TTC28: variants seen among roughly 807,000 people sequenced by gnomAD.
The protein encoded by TTC28 is tetratricopeptide repeat protein 28.
In TTC28, 61 loss-of-function variants were observed where a neutral mutation model predicts 198.0. The ratio of observed to expected loss-of-function variants is 0.31; its 90% CI spans 0.25 to 0.38. TTC28 has a LOEUF of 0.38. Ranked by LOEUF, TTC28 falls within the 10% of genes least tolerant of loss-of-function variation. TTC28 has a pLI of 1.00. For missense variants in TTC28, 2,678 were observed against 3,164.0 expected, an observed-to-expected ratio of 0.85 and a Z score of 3.69; for synonymous variants, 1,171 against 1,297.8, an observed-to-expected ratio of 0.90 and a Z score of 2.10.
chr22:28,346,268 T>A (rs1026941839), intron 2 of TTC28, among the ~76,000 whole-genome samples: 1 of 152,248 alleles, frequency 6.6e-6, no homozygotes, highest in Admixed American at 6.5e-5. Flanking sequence ...TCATTCTTTA[T>A]ACCAGTTATC....
intron 6 of TTC28, among the ~76,000 whole-genome samples, chr22:28,141,602 T>G (rs188514362): frequency 6.6e-6 from 1 of 152,292 alleles, no homozygotes; most frequent in East Asian, 1.9e-4. Context: ...CACTCATTAA[T>G]ATTTCTACTA....
intron 2 of TTC28, among the ~76,000 whole-genome samples, chr22:28,316,486 G>C (rs1426181916): frequency 6.6e-6 from 1 of 151,854 alleles, no homozygotes; most frequent in Non-Finnish European, 1.5e-5. Flanking sequence ...AAAATATCTT[G>C]TTTTTCATTG....
intron 2 of TTC28, among the ~76,000 whole-genome samples, chr22:28,579,578 T>TAC (rs1181365199): frequency 6.9e-6 from 1 of 145,478 alleles, no homozygotes; most frequent in East Asian, 2.0e-4. Flanking sequence ...AATGCATGTG[T>TAC]GTGTATATAT....
intron 6 of TTC28, among the ~76,000 whole-genome samples, chr22:28,132,731 C>A (rs1047007462): frequency 6.6e-6 from 1 of 152,142 alleles, no homozygotes; most frequent in Non-Finnish European, 1.5e-5. Flanking sequence ...TCAGCAAATA[C>A]GACTGTACCA....
intron 2 of TTC28, among the ~76,000 whole-genome samples, chr22:28,457,074 T>C (rs957857709): frequency 1.3e-5 from 2 of 152,242 alleles, no homozygotes; most frequent in Non-Finnish European, 2.9e-5. Flanking sequence ...ATAATTATCA[T>C]TGTCTGTAGC....
chr22:27,985,455 C>G, intron 21 of TTC28, 99 bp from the exon 22 acceptor site: 1 of 924,278 alleles, frequency 1.1e-6, no homozygotes, highest in Non-Finnish European at 1.6e-6. Flanking sequence ...CATGGAATGC[C>G]TGCAAGGCCC....
At chr22:28,017,629 C>G (rs548958795) in intron 13 of TTC28, among the ~76,000 whole-genome samples, 1 of 152,028 alleles carries the variant, frequency 6.6e-6, no homozygotes, top group Admixed American at 6.5e-5. Flanking sequence ...GGATGCAGGC[C>G]GAAGAAGAAA....
chr22:28,101,276 T>G lies in TTC28; in HGVS notation c.3312A>C (p.Leu1104Phe), dbSNP rs988303029. 7.7e-6 allele frequency: 12 copies of G among 1,551,452 alleles called. No homozygotes were observed. The highest frequency in any genetic ancestry group is 1.0e-5 in the Non-Finnish European group (12 of 1,146,678). The change falls in exon 9 of 23, where the codon TTA (leucine) becomes TTC (phenylalanine). Residue 1104 changes from leucine to phenylalanine, a missense_variant. Transcript: ENST00000397906. ...SQAVMYLQEGLRLAEQLGRRE... is the reference protein window; with the variant it reads ...SQAVMYLQEGFRLAEQLGRRE... ...TTCGGCCCAGTTGCTCAGCTAACCTTAAACCTGAAACCAGATAGAGAAATT... is the reference window on the plus strand; with the variant it reads ...TTCGGCCCAGTTGCTCAGCTAACCTGAAACCTGAAACCAGATAGAGAAATT...
intron 12 of TTC28, among the ~76,000 whole-genome samples, chr22:28,037,768 C>A (rs921100576): frequency 1.3e-5 from 2 of 152,080 alleles, no homozygotes; most frequent in Admixed American, 6.6e-5. Flanking sequence ...TCTAGAAAAC[C>A]CCATCGTCTC....
chr22:28,423,344 T>C (rs1339333851), intron 2 of TTC28, among the ~76,000 whole-genome samples: 1 of 151,778 alleles, frequency 6.6e-6, no homozygotes, highest in Non-Finnish European at 1.5e-5. Context: ...GAGCCAAGAT[T>C]GCACCACTGC....
At chr22:28,029,303 G>C (rs1246811743) in intron 13 of TTC28, among the ~76,000 whole-genome samples, 1 of 152,202 alleles carries the variant, frequency 6.6e-6, no homozygotes, top group Non-Finnish European at 1.5e-5. Flanking sequence ...CACCCTGACA[G>C]CACAATAATG....
intron 1 of TTC28, among the ~76,000 whole-genome samples, chr22:28,667,280 G>A (rs1472509889): frequency 3.6e-4 from 13 of 36,368 alleles, no homozygotes; most frequent in Non-Finnish European, 5.8e-4. Context: ...ATTCAACATA[G>A]TGTTGGAAGT....
intron 5 of TTC28, among the ~76,000 whole-genome samples, chr22:28,165,983 G>C (rs796483332): frequency 8.0e-4 from 122 of 152,204 alleles, no homozygotes; most frequent in Admixed American, 1.5e-3. Context: ...GACGGAGGAA[G>C]ATCTACCAAG....
At chr22:28,658,642 A>T (rs865962507) in intron 1 of TTC28, among the ~76,000 whole-genome samples, 1 of 152,196 alleles carries the variant, frequency 6.6e-6, no homozygotes, top group South Asian at 2.1e-4. Flanking sequence ...AATGTATTTA[A>T]TTCCACTTAA....
intron 14 of TTC28, among the ~76,000 whole-genome samples, chr22:28,013,812 T>C (rs906824109): frequency 1.3e-5 from 2 of 152,000 alleles, no homozygotes; most frequent in Non-Finnish European, 2.9e-5. Flanking sequence ...AGGCATCTGC[T>C]AGGTGGGAAA....
chr22:28,119,346 T>A (rs1438935280), intron 6 of TTC28, among the ~76,000 whole-genome samples: 2 of 152,184 alleles, frequency 1.3e-5, no homozygotes, highest in East Asian at 3.8e-4. Flanking sequence ...AATAAAAAAC[T>A]GCCACTCCCT....
At chr22:28,031,600 C>T (rs567791752) in intron 12 of TTC28, among the ~76,000 whole-genome samples, 1 of 152,058 alleles carries the variant, frequency 6.6e-6, no homozygotes, top group Non-Finnish European at 1.5e-5. Flanking sequence ...GCCAAGCTGG[C>T]GACACCTGTG....
At chr22:28,379,755 A>G (rs1351174722) in intron 2 of TTC28, among the ~76,000 whole-genome samples, 1 of 152,200 alleles carries the variant, frequency 6.6e-6, no homozygotes, top group Non-Finnish European at 1.5e-5. Flanking sequence ...AATGGTTACA[A>G]TGGTAAATTT....
At chr22:28,431,012 C>T (rs536802098) in intron 2 of TTC28, among the ~76,000 whole-genome samples, 2 of 151,994 alleles carry the variant, frequency 1.3e-5, no homozygotes, top group Admixed American at 6.6e-5. Context: ...ACTACTCTAC[C>T]GTGAAGACTC....
Sources: gnomAD v4.1 joint callset for allele counts (sites outside exome capture counted in the v4.1 genomes callset) on GRCh38, gnomAD v4.1.1 for gene constraint, MANE v1.5 for transcripts, NCBI Gene and HGNC (gene_info 2026-07-23, HGNC 2026-07-21) for gene names.